The following ZNF479 variants were observed in gnomAD, a reference collection of about 807,000 sequenced individuals.
ZNF479 encodes KRAB zinc finger protein KR19.
ZNF479 carries 15 observed loss-of-function variants against 14.7 expected under a neutral mutation model. The observed-to-expected ratio is 1.02, with a 90% CI of 0.68 to 1.57. ZNF479 has a LOEUF of 1.57. Among genes scored for constraint, ZNF479 ranks in the 40% most tolerant of loss-of-function variants. The pLI is 0.00. For missense variants in ZNF479, 506 were observed against 615.1 expected, an observed-to-expected ratio of 0.82 and a Z score of 1.88; for synonymous variants, 145 against 211.5, an observed-to-expected ratio of 0.69 and a Z score of 2.73.
chr7:57,132,305 G>A lies in ZNF479; in HGVS notation c.20C>T (p.Pro7Leu), dbSNP rs752204182. The A allele has an allele frequency of 1.9e-6, 3 of 1,613,964 alleles. No homozygotes were observed. Among genetic ancestry groups the A allele is most frequent in the African/African-American group, 1.3e-5 (1 of 74,878 alleles). The change falls in exon 1 of 4, where the codon CCC (proline) becomes CTC (leucine). Residue 7 changes from proline (P) to leucine (L), a missense_variant. Pro to Leu is a moderately conservative substitution (Grantham distance 98). Around this residue, in one of 3 missense-constraint regions of ZNF479, gnomAD observed 420 missense variants for 474.2 expected, o/e 0.89. Coordinates refer to ENST00000319636, the MANE Select transcript of ZNF479 (RefSeq NM_001370129.2). ...ACTCACCATTTCTCGGCTTCCAGGG[G>A]GTCCTGGTCTTTTAGCCATAAATCT... MAKRPGPPGSREMGLLT... is the reference protein window; with the variant it reads MAKRPGLPGSREMGLLT...
upstream of ZNF479, among the ~76,000 whole-genome samples, chr7:57,134,941 C>T (rs547235752): frequency 1.3e-5 from 2 of 152,214 alleles, no homozygotes; most frequent in South Asian, 4.1e-4. Context: ...TCCCAAATTG[C>T]CGGGGTTACA....
chr7:57,135,709 G>C (rs1786616013), upstream of ZNF479, among the ~76,000 whole-genome samples: 2 of 152,178 alleles, frequency 1.3e-5, no homozygotes, highest in Non-Finnish European at 2.9e-5. Context: ...CACTGAACCA[G>C]GACTTGTCTT....
At chr7:57,133,845 A>G (rs1583949226), upstream of ZNF479, among the ~76,000 whole-genome samples, 1 of 152,186 alleles carries the variant, frequency 6.6e-6, no homozygotes, top group East Asian at 1.9e-4. Context: ...CAGCCTGGCA[A>G]CAGAGGGACT....
At chr7:57,131,820 T>C (rs1786438469) in intron 1 of ZNF479, among the ~76,000 whole-genome samples, 1 of 152,070 alleles carries the variant, frequency 6.6e-6, no homozygotes, top group African/African-American at 2.4e-5. Flanking sequence ...CCACAAACCA[T>C]AGCTGGGTGC....
At chr7:57,122,090 A>G (rs1292072816) in intron 3 of ZNF479, among the ~76,000 whole-genome samples, 7 of 152,098 alleles carry the variant, frequency 4.6e-5, no homozygotes, top group Non-Finnish European at 1.5e-5. Flanking sequence ...AAGATCCGCA[A>G]CACAAATTTA....
chr7:57,126,239 C>A (rs1208699143), intron 2 of ZNF479, 126 bp from the exon 3 acceptor site: 2 of 1,141,698 alleles, frequency 1.8e-6, no homozygotes, highest in African/African-American at 3.2e-5. Context: ...ATAGAACTTT[C>A]TAAATATTCA....
At position 57,139,106 on chromosome 7, in the gene ZNF479, A is replaced by T. The variant is rs371360486; in HGVS notation, c.-15+502T>A. 7.9e-5 allele frequency among the ~76,000 whole-genome samples: 12 copies of T among 152,202 alleles called. 1 individual carries two copies. In the East Asian group the frequency reaches 9.6e-4, roughly 12 times the overall value. On this transcript the variant is annotated intron_variant, in intron 1 of 4. Transcript: ENST00000331162. ...CTCACATGTGCCATATAAAACCCTCAGGTGGTACAGACAGTGTCATAACAG... is the reference window on the plus strand; with the variant it reads ...CTCACATGTGCCATATAAAACCCTCTGGTGGTACAGACAGTGTCATAACAG...
upstream of ZNF479, among the ~76,000 whole-genome samples, chr7:57,135,869 C>A (rs1786622830): frequency 6.6e-6 from 1 of 152,076 alleles, no homozygotes; most frequent in African/African-American, 2.4e-5. Context: ...TCACAACCAA[C>A]AAGCAGCCAC....
Position 57,119,832 on chromosome 7 carries a change from T to C in ZNF479, c.*8A>G, listed in dbSNP as rs1405523445. On this transcript the variant is annotated 3_prime_UTR_variant, in exon 4 of 4. Coordinates refer to ENST00000319636, the MANE Select transcript of ZNF479 (RefSeq NM_001370129.2). ...GTATTATAAGGCCTGAGGGTGGACT[T>C]TGCCATATTATTCACATTTGTAGGG... 30 of 1,610,490 alleles carry C rather than the reference T, an allele frequency of 1.9e-5. No homozygotes were observed. The highest frequency in any genetic ancestry group is 2.5e-5 in the Non-Finnish European group (30 of 1,177,902).
At position 57,120,659 on chromosome 7, in the gene ZNF479, C is replaced by T; in HGVS notation, c.756G>A (p.Trp252Ter). 6.2e-7 allele frequency: 1 copy of T among 1,613,720 alleles called. No individual in the cohort carries two copies. Among genetic ancestry groups the T allele is most frequent in the East Asian group, 2.2e-5 (1 of 44,864 alleles). ...TCTTATGTCTAGTAAGGTTTGCAGA[C>T]CAGCTAAAGGCTTTGCCACATTCCT... ...RCEECGKAFS[W>*]SANLTRHKRT... Residue 252 changes from tryptophan (W) to a stop codon, truncating the protein, a stop_gained, in exon 4 of 4, where the codon TGG becomes TGA. Coordinates refer to ENST00000319636, the MANE Select transcript of ZNF479 (RefSeq NM_001370129.2). LOFTEE classifies it low-confidence loss of function (END_TRUNC).
At position 57,121,125 on chromosome 7, in the gene ZNF479, A is replaced by T; in HGVS notation, c.290T>A (p.Leu97His). 6.2e-7 allele frequency: 1 copy of T among 1,613,802 alleles called. No individual in the cohort carries two copies. The highest frequency in any genetic ancestry group is 8.5e-7 in the Non-Finnish European group (1 of 1,179,898). Residue 97 changes from leucine (L) to histidine (H), a missense_variant, in exon 4 of 4, where the codon CTT becomes CAT. Around this residue, in one of 3 missense-constraint regions of ZNF479, gnomAD observed 420 missense variants for 474.2 expected, o/e 0.89. Transcript: ENST00000319636. ...PVTRSHFTQDLQPEQGIKDSL... is the reference protein window; with the variant it reads ...PVTRSHFTQDHQPEQGIKDSL... ...ATCTTTGATGCCCTGCTCTGGCTGA[A>T]GGTCTTGGGTGAAATGGGAACGCGT...
rs753639927 is a variant in ZNF479 at position 57,132,310 on chromosome 7, T to C, written c.15A>G (p.Pro5=). The change falls in exon 1 of 4, where the codon CCA becomes CCG. Residue 5 remains proline, a synonymous_variant. Coordinates refer to ENST00000319636, the MANE Select transcript of ZNF479 (RefSeq NM_001370129.2). The stretch of plus-strand genomic sequence containing the variant: ...CCATTTCTCGGCTTCCAGGGGGTCC[T>C]GGTCTTTTAGCCATAAATCTGCAGA... MAKR[P]GPPGSREMGL... is the part of the protein sequence containing the mutation. 1.9e-6 allele frequency: 3 copies of C among 1,614,134 alleles called. No homozygotes were observed. Among genetic ancestry groups the C allele is most frequent in the South Asian group, 1.1e-5 (1 of 91,080 alleles).
At chr7:57,129,157 C>T (rs1251615256) in intron 1 of ZNF479, among the ~76,000 whole-genome samples, 2 of 152,158 alleles carry the variant, frequency 1.3e-5, no homozygotes, top group African/African-American at 4.8e-5. Context: ...ATTTTCTTTA[C>T]AGTAATGGGA....
At chr7:57,132,075 A>C (rs1345210385) in intron 1 of ZNF479, among the ~76,000 whole-genome samples, 1 of 152,166 alleles carries the variant, frequency 6.6e-6, no homozygotes, top group Non-Finnish European at 1.5e-5. Flanking sequence ...AAGCCACTGC[A>C]GAGGAAAAAG....
intron 1 of ZNF479, among the ~76,000 whole-genome samples, chr7:57,138,197 A>C (rs2115915079): frequency 6.6e-6 from 1 of 152,344 alleles, no homozygotes. Context: ...ATGAAGACTC[A>C]CATATGTGAA....
In ZNF479 at chr7:57,126,625, T is replaced by C. The variant is rs774322219; in HGVS notation, c.133A>G (p.Met45Val). ...CAQRNLYRDV[M>V]LENYRNLVSL... Reference sequence around the variant, plus strand: ...ACCAGGTTTCTGTAGTTCTCTAACATCACATCTCTATATAAATTCCGCTGA... The same window carrying C: ...ACCAGGTTTCTGTAGTTCTCTAACACCACATCTCTATATAAATTCCGCTGA... Residue 45 changes from methionine to valine, a missense_variant, in exon 2 of 4, where the codon ATG (methionine) becomes GTG (valine). Around this residue, in one of 3 missense-constraint regions of ZNF479, gnomAD observed 420 missense variants for 474.2 expected, o/e 0.89. Coordinates refer to ENST00000319636, the MANE Select transcript of ZNF479 (RefSeq NM_001370129.2). 111 of 1,613,972 alleles carry C rather than the reference T, an allele frequency of 6.9e-5. No homozygotes were observed. The highest frequency in any genetic ancestry group is 9.1e-5 in the Non-Finnish European group (107 of 1,179,976).
At chr7:57,123,682 A>G (rs1269802862) in intron 3 of ZNF479, among the ~76,000 whole-genome samples, 1 of 151,948 alleles carries the variant, frequency 6.6e-6, no homozygotes, top group East Asian at 1.9e-4. Flanking sequence ...AATAATTCAA[A>G]ATTAGCTGAG....
rs1210906612 is a variant in ZNF479, at chr7:57,126,053, T to C, written c.227A>G (p.Asn76Ser). The C allele has an allele frequency of 6.2e-7, 1 of 1,604,558 alleles. No homozygotes were observed. The highest frequency in any genetic ancestry group is 1.7e-5 in the Admixed American group (1 of 59,934). The part of the protein sequence containing the change: ...TCLEQNKESQ[N>S]IKRNEMVAKH... ...GGCTACCATCTCATTTCTCTTTATA[T>C]TCTGGGACTCTTTATTTTGCTCCAG... Residue 76 changes from asparagine to serine, a missense_variant, in exon 3 of 4, where the codon AAT (asparagine) becomes AGT (serine). Transcript: ENST00000319636.
At chr7:57,135,670 C>A (rs956898940), upstream of ZNF479, among the ~76,000 whole-genome samples, 1 of 152,168 alleles carries the variant, frequency 6.6e-6, no homozygotes, top group Non-Finnish European at 1.5e-5. Flanking sequence ...GCCTCAGCCT[C>A]CCAAAGTGCT....
Sources: gnomAD v4.1 joint callset for allele counts (sites outside exome capture counted in the v4.1 genomes callset) on GRCh38, gnomAD v4.1.1 for gene constraint, gnomAD v4.1.1 regional missense constraint, MANE v1.5 for transcripts, NCBI Gene and HGNC (gene_info 2026-07-23, HGNC 2026-07-21) for gene names.